The following MYRFL variants were observed in gnomAD, a reference collection of about 807,000 sequenced individuals.
The protein encoded by MYRFL is myelin regulatory factor like.
MYRFL carries 88 observed loss-of-function variants against 109.4 expected under a neutral mutation model. That is an observed-to-expected ratio of 0.80 (90% CI 0.68 to 0.96). The LOEUF is 0.96. Ranked by LOEUF, MYRFL falls within the 40% of genes least tolerant of loss-of-function variation. The pLI is 0.00. For missense variants in MYRFL, 957 were observed against 954.9 expected (o/e 1.00, Z -0.03); for synonymous variants, 324 against 320.9 (o/e 1.01, Z -0.10).
rs531383248 is a variant in MYRFL, at chr12:69,958,637, C to T, written c.*106C>T. ...TTTTTTCTTCTTTGTAAAACATTTA[C>T]GTTTATTGCTGAAGGACTTTTTCAG... On this transcript the variant is annotated 3_prime_UTR_variant, in exon 25 of 25. Transcript: ENST00000552032. The T allele has an allele frequency of 1.3e-5, 10 of 799,184 alleles. No homozygotes were observed. Among genetic ancestry groups the T allele is most frequent in the East Asian group, 3.1e-5 (1 of 31,762 alleles). 49.5% of individuals were successfully genotyped at this position (799,184 alleles called of 1,614,324 possible).
intron 2 of MYRFL, among the ~76,000 whole-genome samples, chr12:69,863,151 C>T (rs1022924215): frequency 1.3e-5 from 2 of 151,972 alleles, no homozygotes; most frequent in African/African-American, 4.8e-5. Flanking sequence ...ATTCGGTTTG[C>T]CAGTATTTTA....
At chr12:69,834,541 G>C (rs921163432) in intron 1 of MYRFL, among the ~76,000 whole-genome samples, 1 of 152,136 alleles carries the variant, frequency 6.6e-6, no homozygotes, top group Non-Finnish European at 1.5e-5. Flanking sequence ...CCCTCTTACG[G>C]TTGTGAAGAT....
intron 1 of MYRFL, among the ~76,000 whole-genome samples, 158 bp downstream of exon 1, chr12:69,825,721 T>C (rs997713800): frequency 6.6e-6 from 1 of 152,250 alleles, no homozygotes; most frequent in South Asian, 2.1e-4. Flanking sequence ...ATTTGCTACA[T>C]TGGGAGCAAA....
At chr12:69,953,764 G>GACACAC (rs143170206) in intron 21 of MYRFL, among the ~76,000 whole-genome samples, 2,003 of 144,250 alleles carry the variant, frequency 0.014, 22 homozygotes, top group African/African-American at 0.02. Context: ...GTGCAACCCG[G>GACACAC]ACACACACAC....
chr12:69,914,106 G>C (rs1359901422), intron 13 of MYRFL, among the ~76,000 whole-genome samples: 1 of 152,002 alleles, frequency 6.6e-6, no homozygotes, highest in Non-Finnish European at 1.5e-5. Context: ...ATTGCTTACT[G>C]TTATTGTATA....
chr12:69,877,722 AAAC>A (rs1473472226), intron 2 of MYRFL, among the ~76,000 whole-genome samples: 7 of 152,208 alleles, frequency 4.6e-5, no homozygotes, highest in African/African-American at 1.7e-4. Context: ...TTTGAGGAGA[AAAC>A]AACTTTTCTG....
intron 19 of MYRFL, among the ~76,000 whole-genome samples, chr12:69,951,744 T>C (rs1188680671): frequency 6.6e-6 from 1 of 152,200 alleles, no homozygotes; most frequent in African/African-American, 2.4e-5. Flanking sequence ...CTTCTGCTCT[T>C]ACACGGACAC....
intron 13 of MYRFL, among the ~76,000 whole-genome samples, chr12:69,923,394 TTTAG>T (rs1954969711): frequency 6.6e-6 from 1 of 152,216 alleles, no homozygotes; most frequent in Non-Finnish European, 1.5e-5. Context: ...TCCAGTCCTT[TTTAG>T]TTAATGTAGC....
At chr12:69,943,834 C>G (rs904649828) in intron 19 of MYRFL, among the ~76,000 whole-genome samples, 1 of 151,852 alleles carries the variant, frequency 6.6e-6, no homozygotes, top group Non-Finnish European at 1.5e-5. Context: ...AACACATTTA[C>G]AAGAAAAAAA....
intron 19 of MYRFL, among the ~76,000 whole-genome samples, chr12:69,947,749 C>T (rs1296392794): frequency 6.6e-6 from 1 of 152,050 alleles, no homozygotes; most frequent in Admixed American, 6.6e-5. Flanking sequence ...AAAATGGTCC[C>T]CCATTTTAAA....
intron 19 of MYRFL, 123 bp downstream of exon 19, chr12:69,936,755 C>G (rs1592866732): frequency 1.1e-6 from 1 of 871,920 alleles, no homozygotes; most frequent in Non-Finnish European, 1.6e-6. Flanking sequence ...TTTGGGGTGG[C>G]AAAATCTTTA....
intron 1 of MYRFL, among the ~76,000 whole-genome samples, chr12:69,830,861 C>T (rs1882587496): frequency 6.6e-6 from 1 of 152,014 alleles, no homozygotes; most frequent in Non-Finnish European, 1.5e-5. Context: ...ACAAAATCAC[C>T]CAAACAAACC....
chr12:69,903,573 C>G, intron 10 of MYRFL, 71 bp from the exon 11 acceptor site: 1 of 1,445,996 alleles, frequency 6.9e-7, no homozygotes, highest in Admixed American at 2.0e-5. Context: ...TGCCTTTGCT[C>G]TGAACACTAA....
At chr12:69,874,620 C>T (rs1233688335) in intron 2 of MYRFL, among the ~76,000 whole-genome samples, 3 of 152,136 alleles carry the variant, frequency 2.0e-5, no homozygotes, top group African/African-American at 7.2e-5. Context: ...TTTAACATTT[C>T]TTATTGTACA....
Position 69,939,861 on chromosome 12 carries a change from G to A in MYRFL, c.2224+3229G>A, listed in dbSNP as rs1042603104. ...AGAAGTGCTTAAAGGAGCTGATGGA[G>A]CTGAAAACCAAGGTTCGAGAACTAC... On this transcript the variant is annotated intron_variant, in intron 19 of 24. Transcript: ENST00000552032. Among the ~76,000 whole-genome samples the A allele has an allele frequency of 9.8e-5, 15 of 152,296 alleles. No individual in the cohort carries two copies. In the East Asian group the frequency reaches 2.3e-3, roughly 24 times the overall value.
At chr12:69,846,660 G>A (rs1276949002) in intron 1 of MYRFL, among the ~76,000 whole-genome samples, 15 of 152,058 alleles carry the variant, frequency 9.9e-5, no homozygotes, top group Non-Finnish European at 1.8e-4. Flanking sequence ...ATAAACATAC[G>A]TGTCCATGTG....
At chr12:69,886,336 G>A (rs1330914985) in intron 5 of MYRFL, among the ~76,000 whole-genome samples, 5 of 152,202 alleles carry the variant, frequency 3.3e-5, no homozygotes, top group Admixed American at 2.6e-4. Context: ...AGCTGTTGGC[G>A]ATGTATCTTG....
At chr12:69,847,936 G>A (rs1883655583) in intron 1 of MYRFL, among the ~76,000 whole-genome samples, 2 of 152,174 alleles carry the variant, frequency 1.3e-5, no homozygotes, top group Admixed American at 6.5e-5. Flanking sequence ...TATGGTTTAA[G>A]AGTCTTTTTC....
intron 2 of MYRFL, among the ~76,000 whole-genome samples, chr12:69,858,092 AT>A (rs1346703712): frequency 6.6e-6 from 1 of 151,244 alleles, no homozygotes; most frequent in African/African-American, 2.4e-5. Flanking sequence ...AATTTTGTCA[AT>A]TTTTTTCTGT....
Sources: allele counts gnomAD v4.1 joint callset (sites outside exome capture counted in the v4.1 genomes callset), GRCh38; gene constraint gnomAD v4.1.1; transcripts MANE v1.5; gene names NCBI Gene and HGNC (gene_info 2026-07-23, HGNC 2026-07-21).